Variants in MCHR2 observed in about 807,000 individuals in gnomAD.
The protein encoded by MCHR2 is melanin-concentrating hormone receptor 2.
In MCHR2, 15 loss-of-function variants were observed where a neutral mutation model predicts 24.8. That is an observed-to-expected ratio of 0.60 (90% CI 0.40 to 0.93). The LOEUF is 0.93. Among genes scored for constraint, MCHR2 ranks in the 40% least tolerant of loss-of-function variants. The probability of loss-of-function intolerance (pLI) is 0.00; values close to 1 mark genes in which losing one functional copy is unlikely to be tolerated. For synonymous variants in MCHR2, 151 were observed against 147.6 expected (o/e 1.02, Z -0.17); for missense variants, 386 against 408.7 (o/e 0.94, Z 0.48).
chr6:99,921,188 C>T lies in MCHR2; in HGVS notation c.775G>A (p.Val259Ile). 2 of 1,614,178 alleles carry T rather than the reference C, an allele frequency of 1.2e-6. No individual in the cohort carries two copies. The highest frequency in any genetic ancestry group is 8.5e-7 in the Non-Finnish European group (1 of 1,180,020). ...LTKMVLVLVV[V>I]FILSAAPYHV... ...TAAGGGGCAGCACTCAGGATAAAGACTACCACCAGCACCAGCACCATCTTT... is the reference window on the plus strand; with the variant it reads ...TAAGGGGCAGCACTCAGGATAAAGATTACCACCAGCACCAGCACCATCTTT... Residue 259 changes from valine (V) to isoleucine (I), a missense_variant, in exon 6 of 6, where the codon GTC (valine) becomes ATC (isoleucine). Coordinates refer to ENST00000281806, the MANE Select transcript of MCHR2 (RefSeq NM_001040179.2).
At position 99,938,109 on chromosome 6, in the gene MCHR2, C is replaced by G. The variant is rs147783519; in HGVS notation, c.588-3592G>C. 1.9e-3 allele frequency among the ~76,000 whole-genome samples: 290 copies of G among 151,858 alleles called. 2 individuals are homozygous for G. The highest frequency in any genetic ancestry group is 6.8e-3 in the African/African-American group (281 of 41,500). On this transcript the variant is annotated intron_variant, in intron 4 of 5. Transcript: ENST00000281806. ...AACTTCTCTGTTTTTCTTAGTCTAG[C>G]TAAAGGTTTGTTGGTTTTGTTTATC...
chr6:99,931,622 G>T (rs1020774844), intron 5 of MCHR2, among the ~76,000 whole-genome samples: 35 of 152,242 alleles, frequency 2.3e-4, no homozygotes, highest in Non-Finnish European at 4.3e-4. Context: ...AGACTCTGTG[G>T]GCGTAGGACC....
At chr6:99,943,960 G>A (rs1210306703) in intron 3 of MCHR2, among the ~76,000 whole-genome samples, 3 of 152,142 alleles carry the variant, frequency 2.0e-5, no homozygotes, top group African/African-American at 7.2e-5. Flanking sequence ...CCCTCAGCAG[G>A]AAGGGGTTCA....
intron 2 of MCHR2, among the ~76,000 whole-genome samples, chr6:99,955,014 G>T (rs1276713765): frequency 2.0e-5 from 3 of 152,038 alleles, no homozygotes; most frequent in East Asian, 1.9e-4. Flanking sequence ...AACCACTTCT[G>T]GTCGCAAGCA....
At chr6:99,990,956 C>T (rs956658410) in intron 1 of MCHR2, among the ~76,000 whole-genome samples, 1 of 148,906 alleles carries the variant, frequency 6.7e-6, no homozygotes, top group Non-Finnish European at 1.5e-5. Context: ...AGATATGCAT[C>T]TCCTGCTTTA....
intron 2 of MCHR2, among the ~76,000 whole-genome samples, chr6:99,954,526 A>C (rs1775023577): frequency 6.6e-6 from 1 of 152,094 alleles, no homozygotes; most frequent in African/African-American, 2.4e-5. Context: ...CAGCGTCTCC[A>C]AGGGAAAAAT....
At chr6:99,977,316 C>T (rs559252643) in intron 1 of MCHR2, among the ~76,000 whole-genome samples, 26 of 152,100 alleles carry the variant, frequency 1.7e-4, no homozygotes, top group Non-Finnish European at 3.5e-4. Context: ...CCTTCTAAGA[C>T]CTATTAGATT....
intron 1 of MCHR2, among the ~76,000 whole-genome samples, chr6:99,992,212 A>G (rs1380939908): frequency 1.3e-5 from 2 of 152,194 alleles, no homozygotes; most frequent in East Asian, 1.9e-4. Context: ...CCTTGCAGGG[A>G]TTTAGGACCT....
chr6:99,949,622 T>C (rs995730789), intron 2 of MCHR2, among the ~76,000 whole-genome samples: 3 of 152,120 alleles, frequency 2.0e-5, no homozygotes, highest in Non-Finnish European at 4.4e-5. Flanking sequence ...CTTGGCAGCA[T>C]CCACTGTGTG....
At chr6:99,952,056 G>T (rs1374983228) in intron 2 of MCHR2, among the ~76,000 whole-genome samples, 1 of 152,118 alleles carries the variant, frequency 6.6e-6, no homozygotes, top group African/African-American at 2.4e-5. Context: ...AAACAAAGTT[G>T]TCCGTTTATT....
In MCHR2 at chr6:99,967,024, CT is replaced by C. The variant is rs967965546; in HGVS notation, c.-27-10851del. 5.3e-5 allele frequency among the ~76,000 whole-genome samples: 8 copies of C among 151,922 alleles called. No individual in the cohort carries two copies. The East Asian group carries it at 9.7e-4, about 18-fold the overall frequency. ...ATCCTGAATATTAAAGAAAAAAGTA[CT>C]TTTTTTTGATACTTTTCAAAGTATA... On this transcript the variant is annotated intron_variant, in intron 1 of 5. Transcript: ENST00000281806.
chr6:99,942,910 C>T (rs371735517), intron 4 of MCHR2, 39 bp downstream of exon 4: 2 of 1,545,362 alleles, frequency 1.3e-6, no homozygotes, highest in Non-Finnish European at 1.8e-6. Context: ...TTCTTCACAA[C>T]TTAATTCAAC....
chr6:99,943,035 A>T lies in MCHR2; in HGVS notation c.501T>A (p.Pro167=). Residue 167 remains proline (P), a synonymous_variant, in exon 4 of 6, where the codon CCT becomes CCA. Transcript: ENST00000281806. ...LWAASFILAL[P]VWVYSKVIKF... ...TGATGACCTTCGAGTAGACCCAGAC[A>T]GGCAATGCCAGGATAAAGGAAGCTG... 6.2e-7 allele frequency: 1 copy of T among 1,613,264 alleles called. No homozygotes were observed. Among genetic ancestry groups the T allele is most frequent in the Non-Finnish European group, 8.5e-7 (1 of 1,179,434 alleles).
intron 3 of MCHR2, among the ~76,000 whole-genome samples, chr6:99,946,026 T>A (rs112147325): frequency 1.3e-4 from 20 of 152,128 alleles, no homozygotes; most frequent in East Asian, 3.9e-4. Context: ...GTTTATTTTT[T>A]TTTTTTTCAA....
At chr6:99,973,965 C>G (rs1775493955) in intron 1 of MCHR2, among the ~76,000 whole-genome samples, 1 of 152,264 alleles carries the variant, frequency 6.6e-6, no homozygotes. Context: ...GTGGGTAACC[C>G]GACCTTTCTT....
At chr6:99,951,146 T>A in intron 2 of MCHR2, among the ~76,000 whole-genome samples, 1 of 152,080 alleles carries the variant, frequency 6.6e-6, no homozygotes, top group Admixed American at 6.6e-5. Context: ...AAAGTGGTGT[T>A]GGGGTGAGGG....
At chr6:99,932,380 T>A (rs1774565280) in intron 5 of MCHR2, among the ~76,000 whole-genome samples, 1 of 152,210 alleles carries the variant, frequency 6.6e-6, no homozygotes, top group Non-Finnish European at 1.5e-5. Context: ...GATTGTTACA[T>A]AGATACTCCC....
At chr6:99,922,145 C>T (rs997023688) in intron 5 of MCHR2, among the ~76,000 whole-genome samples, 1 of 142,496 alleles carries the variant, frequency 7.0e-6, no homozygotes, top group Admixed American at 7.3e-5. Flanking sequence ...CTCGCTCTGT[C>T]GCCCAGACTG....
chr6:99,956,393 T>A (rs1775061811), intron 1 of MCHR2, among the ~76,000 whole-genome samples: 1 of 152,248 alleles, frequency 6.6e-6, no homozygotes, highest in South Asian at 2.1e-4. Flanking sequence ...TTGAGAAGCA[T>A]CATGATAATC....
Sources: allele counts gnomAD v4.1 joint callset (sites outside exome capture counted in the v4.1 genomes callset), GRCh38; gene constraint gnomAD v4.1.1; transcripts MANE v1.5; gene names NCBI Gene and HGNC (gene_info 2026-07-23, HGNC 2026-07-21).